The following KCNIP4 variants were observed in gnomAD, a reference collection of about 807,000 sequenced individuals.
The protein encoded by KCNIP4 is potassium voltage-gated channel interacting protein 4.
A neutral mutation model predicts 34.0 loss-of-function variants in KCNIP4; 12 were observed. The observed-to-expected ratio is 0.35, with a 90% CI of 0.23 to 0.57. KCNIP4 has a LOEUF of 0.57. KCNIP4 is among the 20% of genes least tolerant of loss of function. KCNIP4 has a pLI of 0.83. For missense variants in KCNIP4, 238 were observed against 311.7 expected (o/e 0.76, Z 1.78); for synonymous variants, 124 against 102.2 (o/e 1.21, Z -1.29).
intron 1 of KCNIP4, among the ~76,000 whole-genome samples, chr4:20,897,901 C>T (rs570140508): frequency 6.6e-6 from 1 of 152,052 alleles, no homozygotes; most frequent in African/African-American, 2.4e-5. Flanking sequence ...CTTTGTATGT[C>T]AACTTGACTT....
chr4:21,375,804 T>C (rs1720910730), intron 1 of KCNIP4, among the ~76,000 whole-genome samples: 1 of 152,026 alleles, frequency 6.6e-6, no homozygotes, highest in South Asian at 2.1e-4. Flanking sequence ...CCTGACCTCG[T>C]GATTGGCCCG....
intron 1 of KCNIP4, among the ~76,000 whole-genome samples, chr4:21,508,119 G>A (rs140971666): frequency 9.9e-4 from 151 of 152,242 alleles, no homozygotes; most frequent in Non-Finnish European, 1.1e-3. Flanking sequence ...GTTTGAATAG[G>A]TGATATTTAT....
intron 1 of KCNIP4, among the ~76,000 whole-genome samples, chr4:21,490,023 C>A (rs921029266): frequency 1.3e-5 from 2 of 152,068 alleles, no homozygotes; most frequent in African/African-American, 4.8e-5. Context: ...ATTTTGAGAA[C>A]AAAGGATATG....
intron 1 of KCNIP4, among the ~76,000 whole-genome samples, chr4:21,467,874 T>C (rs1265626436): frequency 6.6e-6 from 1 of 152,176 alleles, no homozygotes; most frequent in African/African-American, 2.4e-5. Flanking sequence ...GATGTGGCCA[T>C]GTTAATAATG....
At chr4:21,786,174 G>C (rs1164527584) in intron 1 of KCNIP4, among the ~76,000 whole-genome samples, 2 of 152,146 alleles carry the variant, frequency 1.3e-5, no homozygotes, top group Non-Finnish European at 2.9e-5. Flanking sequence ...GTCTCGATCT[G>C]TTGACCTTGT....
chr4:20,910,363 TG>T (rs1369222807), intron 1 of KCNIP4, among the ~76,000 whole-genome samples: 1 of 152,060 alleles, frequency 6.6e-6, no homozygotes, highest in African/African-American at 2.4e-5. Context: ...CAACAGTACA[TG>T]GCCAAGTACA....
chr4:21,803,817 T>A (rs1188842998), intron 1 of KCNIP4, among the ~76,000 whole-genome samples: 1 of 152,232 alleles, frequency 6.6e-6, no homozygotes, highest in Non-Finnish European at 1.5e-5. Context: ...CAAATTATCT[T>A]ACTTATGTCT....
intron 1 of KCNIP4, among the ~76,000 whole-genome samples, chr4:21,574,370 C>A (rs1469567160): frequency 6.6e-6 from 1 of 151,464 alleles, no homozygotes; most frequent in Non-Finnish European, 1.5e-5. Flanking sequence ...GTATAGAGAT[C>A]AAAGAGAGTG....
chr4:20,907,710 T>C (rs1012951016), intron 1 of KCNIP4, among the ~76,000 whole-genome samples: 9 of 152,100 alleles, frequency 5.9e-5, no homozygotes, highest in African/African-American at 2.2e-4. Flanking sequence ...TTGTTAGAAA[T>C]GTAAATTTTT....
intron 1 of KCNIP4, among the ~76,000 whole-genome samples, chr4:21,656,293 C>A (rs1344119291): frequency 6.6e-6 from 1 of 152,126 alleles, no homozygotes; most frequent in African/African-American, 2.4e-5. Flanking sequence ...TTTATCAGGA[C>A]AACAGTCACA....
Position 20,843,199 on chromosome 4 carries a change from T to G in KCNIP4, c.288+7344A>C, listed in dbSNP as rs535012213. Among the ~76,000 whole-genome samples, 3 of 152,206 alleles carry G rather than the reference T, an allele frequency of 2.0e-5. No individual in the cohort carries two copies. In the South Asian group the frequency reaches 6.2e-4, roughly 32 times the overall value. ...CTAGGATTTCAGGAATGAGCCACCA[T>G]GCCCAGCCTGGATTTCTAAGTGACT... On this transcript the variant is annotated intron_variant, in intron 3 of 8. Transcript: ENST00000382152.
At chr4:21,694,600 T>TA (rs936981271) in intron 1 of KCNIP4, among the ~76,000 whole-genome samples, 1 of 152,058 alleles carries the variant, frequency 6.6e-6, no homozygotes, top group Non-Finnish European at 1.5e-5. Flanking sequence ...CTGTACTCTC[T>TA]AAAAAAATTA....
intron 1 of KCNIP4, among the ~76,000 whole-genome samples, chr4:21,554,795 C>G (rs1738857586): frequency 6.6e-6 from 1 of 152,066 alleles, no homozygotes; most frequent in South Asian, 2.1e-4. Context: ...TACAAGCCTT[C>G]CTCCTTTTCT....
chr4:21,442,244 G>T (rs1481880936), intron 1 of KCNIP4, among the ~76,000 whole-genome samples: 1 of 152,098 alleles, frequency 6.6e-6, no homozygotes, highest in Non-Finnish European at 1.5e-5. Flanking sequence ...GAAAAAAAAA[G>T]TGAGACTCTT....
intron 1 of KCNIP4, among the ~76,000 whole-genome samples, chr4:21,766,188 A>G (rs1718406324): frequency 6.6e-6 from 1 of 152,142 alleles, no homozygotes; most frequent in Non-Finnish European, 1.5e-5. Context: ...TATTTAACAA[A>G]TGTGAGAAAG....
intron 1 of KCNIP4, among the ~76,000 whole-genome samples, chr4:21,445,318 T>C (rs1361515715): frequency 6.6e-6 from 1 of 152,118 alleles, no homozygotes; most frequent in Non-Finnish European, 1.5e-5. Flanking sequence ...ATTGCCAAGT[T>C]AATCGTAAGC....
chr4:21,056,808 T>C (rs180916143), intron 1 of KCNIP4, among the ~76,000 whole-genome samples: 4 of 152,138 alleles, frequency 2.6e-5, no homozygotes, highest in Admixed American at 2.0e-4. Flanking sequence ...CTAAATCCAA[T>C]GTGATAATAT....
intron 1 of KCNIP4, among the ~76,000 whole-genome samples, chr4:21,658,378 A>AACATCACATC (rs568463285): frequency 6.6e-6 from 1 of 152,078 alleles, no homozygotes; most frequent in Non-Finnish European, 1.5e-5. Context: ...CTGTGAAGAG[A>AACATCACATC]ACATCACATC....
intron 1 of KCNIP4, among the ~76,000 whole-genome samples, chr4:21,070,119 C>G (rs1744754500): frequency 6.6e-6 from 1 of 152,138 alleles, no homozygotes; most frequent in South Asian, 2.1e-4. Flanking sequence ...GGAGTTTTCA[C>G]TCAATATAAT....
Sources: allele counts gnomAD v4.1 joint callset (sites outside exome capture counted in the v4.1 genomes callset), GRCh38; gene constraint gnomAD v4.1.1; transcripts MANE v1.5; gene names NCBI Gene and HGNC (gene_info 2026-07-23, HGNC 2026-07-21).